BRAF: variants seen among roughly 807,000 people sequenced by gnomAD.
The protein encoded by BRAF is B-Raf proto-oncogene, serine/threonine kinase.
BRAF carries 16 observed loss-of-function variants against 104.6 expected under a neutral mutation model. That is an observed-to-expected ratio of 0.15 (90% CI 0.10 to 0.23). The LOEUF (loss-of-function observed/expected upper bound fraction) is 0.23. Among genes scored for constraint, BRAF ranks in the 10% least tolerant of loss-of-function variants. BRAF has a pLI of 1.00. For missense variants in BRAF, 541 were observed against 937.3 expected (o/e 0.58, Z 5.52); for synonymous variants, 310 against 341.6 (o/e 0.91, Z 1.02).
At chr7:140,767,846 T>C (rs1222676371) in intron 14 of BRAF, among the ~76,000 whole-genome samples, 5 of 152,160 alleles carry the variant, frequency 3.3e-5, no homozygotes, top group Non-Finnish European at 7.3e-5. Context: ...CCTCACAGGG[T>C]TGTTGAGGAG....
At chr7:140,782,561 G>A (rs546288107) in intron 11 of BRAF, among the ~76,000 whole-genome samples, 27 of 151,630 alleles carry the variant, frequency 1.8e-4, no homozygotes, top group East Asian at 3.9e-4. Context: ...AACAGTATTC[G>A]TTTTTTATTT....
intron 14 of BRAF, among the ~76,000 whole-genome samples, chr7:140,762,894 G>A (rs1225350282): frequency 6.6e-6 from 1 of 152,230 alleles, no homozygotes; most frequent in East Asian, 1.9e-4. Flanking sequence ...AGTGGACACA[G>A]CACATGTTTC....
chr7:140,881,054 G>C (rs573363400), intron 1 of BRAF, among the ~76,000 whole-genome samples: 3 of 152,142 alleles, frequency 2.0e-5, no homozygotes, highest in Non-Finnish European at 2.9e-5. Flanking sequence ...TATTATCAAC[G>C]ATTAGTAATA....
intron 19 of BRAF, chr7:140,734,143 T>C: frequency 9.4e-7 from 1 of 1,062,338 alleles, no homozygotes; most frequent in Non-Finnish European, 1.1e-6. Flanking sequence ...TCTACTGACT[T>C]CCTAAATTAG....
intron 14 of BRAF, 80 bp from the exon 14 acceptor site, chr7:140,754,313 G>A (rs1798027717): frequency 1.6e-6 from 2 of 1,225,492 alleles, no homozygotes. Context: ...ACTTGGGGGT[G>A]TAAAGACTTA....
intron 2 of BRAF, among the ~76,000 whole-genome samples, chr7:140,847,592 A>G (rs1808706408): frequency 6.6e-6 from 1 of 152,136 alleles, no homozygotes; most frequent in Admixed American, 6.5e-5. Flanking sequence ...GGAGGAAAAA[A>G]AAAAAGACAG....
In BRAF at chr7:140,722,298, A is replaced by G; in HGVS notation, c.*4196T>C. 1 of 1,056,240 alleles carries G rather than the reference A, an allele frequency of 9.5e-7. No individual in the cohort carries two copies. The highest frequency in any genetic ancestry group is 1.1e-6 in the Non-Finnish European group (1 of 873,622). The allele number at this position is 1,056,240 out of a possible 1,614,324, so 65.4% of individuals were successfully genotyped here. The stretch of plus-strand genomic sequence containing the variant: ...ATGTGATTTTGGCTATAAACTCTTT[A>G]GTGCATTTACCTATGCAGTCTAAAT... On this transcript the variant is annotated 3_prime_UTR_variant, in exon 20 of 20. Transcript: ENST00000644969.
In BRAF at chr7:140,724,650, G is replaced by C. The variant is rs900115348; in HGVS notation, c.*1844C>G. The C allele has an allele frequency of 1.3e-5, 13 of 1,035,304 alleles. No individual in the cohort carries two copies. The highest frequency in any genetic ancestry group is 1.5e-5 in the Non-Finnish European group (13 of 860,296). 64.1% of individuals were successfully genotyped at this position (1,035,304 alleles called of 1,614,324 possible). On this transcript the variant is annotated 3_prime_UTR_variant, in exon 20 of 20. Coordinates refer to ENST00000644969, the MANE Select transcript of BRAF (RefSeq NM_001374258.1). ...GTATGTTAGCAAAAATCTAATGGTA[G>C]TGAGCTTTTAGTGGCTGCAATATAG...
downstream of BRAF, among the ~76,000 whole-genome samples, chr7:140,716,051 T>A (rs1319016276): frequency 6.6e-6 from 1 of 152,234 alleles, no homozygotes; most frequent in Non-Finnish European, 1.5e-5. Context: ...CATATAAATA[T>A]ACTTGTGTAC....
chr7:140,793,626 T>C (rs543280851), intron 8 of BRAF, among the ~76,000 whole-genome samples: 1 of 152,180 alleles, frequency 6.6e-6, no homozygotes, highest in African/African-American at 2.4e-5. Context: ...ATAGCACAAA[T>C]TGAAATTCTT....
chr7:140,855,761 T>A (rs1012340956), intron 1 of BRAF, among the ~76,000 whole-genome samples: 14 of 151,952 alleles, frequency 9.2e-5, no homozygotes, highest in Non-Finnish European at 2.1e-4. Flanking sequence ...GGCTCATTCC[T>A]GTAATCCCAG....
intron 1 of BRAF, among the ~76,000 whole-genome samples, chr7:140,893,924 G>A (rs906420206): frequency 9.2e-5 from 14 of 152,114 alleles, no homozygotes; most frequent in African/African-American, 2.9e-4. Flanking sequence ...AGGCCAAGGC[G>A]AATTTGAGAC....
chr7:140,855,235 A>C (rs963137087), intron 1 of BRAF, among the ~76,000 whole-genome samples: 1 of 152,126 alleles, frequency 6.6e-6, no homozygotes, highest in Non-Finnish European at 1.5e-5. Flanking sequence ...ACATAGTTAA[A>C]ACATCTTCTT....
intron 3 of BRAF, among the ~76,000 whole-genome samples, chr7:140,828,354 A>ACATAT (rs1202004648): frequency 6.6e-6 from 1 of 152,178 alleles, no homozygotes; most frequent in African/African-American, 2.4e-5. Context: ...CGATACCTTA[A>ACATAT]CATATCAGCT....
At chr7:140,892,242 C>T (rs535220680) in intron 1 of BRAF, among the ~76,000 whole-genome samples, 68 of 151,428 alleles carry the variant, frequency 4.5e-4, no homozygotes, top group African/African-American at 1.1e-3. Context: ...GGTGAGAGAG[C>T]GAGAATCTGT....
At chr7:140,879,850 G>A (rs915055032) in intron 1 of BRAF, among the ~76,000 whole-genome samples, 8 of 151,918 alleles carry the variant, frequency 5.3e-5, no homozygotes, top group Non-Finnish European at 1.2e-4. Context: ...TCCTGCCTCA[G>A]CCTCCCAAGT....
intron 3 of BRAF, among the ~76,000 whole-genome samples, chr7:140,829,074 CT>C (rs1562981939): frequency 6.6e-6 from 1 of 151,658 alleles, no homozygotes; most frequent in African/African-American, 2.4e-5. Context: ...TGGGTTTTGT[CT>C]TTTTCTTGCC....
chr7:140,801,568 G>A lies in BRAF; in HGVS notation c.712-8C>T, dbSNP rs1803116752. On this transcript the variant is annotated splice_polypyrimidine_tract_variant and splice_region_variant and intron_variant, in intron 5 of 19. Transcript: ENST00000644969. ...GAAAAACGTTTTTCGTACCTGCAAA[G>A]TAAAAAATCACAGAGATTTCAAAAA... The A allele has an allele frequency of 6.2e-7, 1 of 1,609,764 alleles. No homozygotes were observed. The highest frequency in any genetic ancestry group is 1.1e-5 in the South Asian group (1 of 90,474).
intron 17 of BRAF, among the ~76,000 whole-genome samples, chr7:140,745,778 T>C (rs1340940192): frequency 6.6e-6 from 1 of 152,350 alleles, no homozygotes; most frequent in Non-Finnish European, 1.5e-5. Flanking sequence ...GCTTTGCATA[T>C]AGTTGGTATT....
Sources: gnomAD v4.1 joint callset for allele counts (sites outside exome capture counted in the v4.1 genomes callset) on GRCh38, gnomAD v4.1.1 for gene constraint, MANE v1.5 for transcripts, NCBI Gene and HGNC (gene_info 2026-07-23, HGNC 2026-07-21) for gene names.